The following FANCA variants were observed in gnomAD, a reference collection of about 807,000 sequenced individuals.
The protein encoded by FANCA is FA complementation group A.
In FANCA, 236 loss-of-function variants were observed where a neutral mutation model predicts 194.3. That is an observed-to-expected ratio of 1.21 (90% CI 1.09 to 1.35). FANCA has a LOEUF of 1.35. Among genes scored for constraint, FANCA ranks in the 40% most tolerant of loss-of-function variants. FANCA has a pLI of 0.00. For missense variants in FANCA, 2,628 were observed against 1,813.9 expected, an observed-to-expected ratio of 1.45 and a Z score of -8.15; for synonymous variants, 1,014 against 715.8, an observed-to-expected ratio of 1.42 and a Z score of -6.65.
At chr16:89,769,075 C>T (rs2039230666) in intron 26 of FANCA, among the ~76,000 whole-genome samples, 2 of 152,206 alleles carry the variant, frequency 1.3e-5, no homozygotes, top group Admixed American at 1.3e-4. Context: ...TCTCCTTGCT[C>T]CACGTACATT....
rs34471552 is a variant in FANCA, at chr16:89,771,155, C to CAAAAAAAAAAAAAAAAAAAAAAA, written c.2151+522_2152-521insTTTTTTTTTTTTTTTTTTTTTTT. ...GCCTGGGCAACAGAGAAGACTCAGTCAAAAAAAAAAAAAAAAAAAGAGGCC... is the reference window on the plus strand; with the variant it reads ...GCCTGGGCAACAGAGAAGACTCAGTCAAAAAAAAAAAAAAAAAAAAAAAAAAAAAAAAAAAAAAAAAAGAGGCC... On this transcript the variant is annotated intron_variant, in intron 23 of 42. Coordinates refer to ENST00000389301, the MANE Select transcript of FANCA (RefSeq NM_000135.4). 4.9e-4 allele frequency among the ~76,000 whole-genome samples: 28 copies of CAAAAAAAAAAAAAAAAAAAAAAA among 56,642 alleles called. 1 individual carries two copies. Among genetic ancestry groups the CAAAAAAAAAAAAAAAAAAAAAAA allele is most frequent in the African/African-American group, 2.0e-3 (28 of 13,734 alleles). 37.2% of individuals were successfully genotyped at this position (56,642 alleles called of 152,430 possible).
At chr16:89,782,211 T>C (rs1342213334) in intron 17 of FANCA, among the ~76,000 whole-genome samples, 3 of 148,194 alleles carry the variant, frequency 2.0e-5, no homozygotes, top group African/African-American at 7.5e-5. Context: ...TCGTCTCTAC[T>C]AAAAAAAATT....
rs1485904394 is a variant in FANCA at position 89,748,752 on chromosome 16, C to T, written c.3255G>A (p.Leu1085=). 6.2e-7 allele frequency: 1 copy of T among 1,613,970 alleles called. No individual in the cohort carries two copies. Among genetic ancestry groups the T allele is most frequent in the South Asian group, 1.1e-5 (1 of 91,074 alleles). ...TGCTGCCGCAGAGGACAGACGAAGG[C>T]AGGCGGAGGAGGATCCTGGAAAGAA... ...LLMYKRILLR[L]PSSVLCGSSF... The change falls in exon 33 of 43, where the codon CTG becomes CTA. Residue 1085 remains leucine, a synonymous_variant. Transcript: ENST00000389301.
chr16:89,761,703 C>T (rs140763029), intron 29 of FANCA, among the ~76,000 whole-genome samples: 4 of 152,288 alleles, frequency 2.6e-5, no homozygotes, highest in African/African-American at 7.2e-5. Context: ...CAGCTCGCTG[C>T]AGCCTCTACC....
chr16:89,786,569 G>A (rs574930524), intron 14 of FANCA, among the ~76,000 whole-genome samples: 7 of 152,184 alleles, frequency 4.6e-5, no homozygotes, highest in Admixed American at 2.6e-4. Flanking sequence ...CACCTGCCTC[G>A]GCCTTCCAAA....
chr16:89,814,694 G>C, intron 2 of FANCA, 81 bp from the exon 3 acceptor site: 3 of 1,023,122 alleles, frequency 2.9e-6, no homozygotes, highest in South Asian at 1.3e-5. Context: ...TGTAATCCCA[G>C]TACTTTGGGA....
chr16:89,771,052 C>G (rs2143343735), intron 23 of FANCA, among the ~76,000 whole-genome samples: 1 of 151,698 alleles, frequency 6.6e-6, no homozygotes, highest in East Asian at 1.9e-4. Flanking sequence ...GTAATCCCAG[C>G]TACCCAGGAA....
At chr16:89,799,296 T>C (rs962872552) in intron 9 of FANCA, 64 bp from the exon 10 acceptor site, 29 of 1,593,632 alleles carry the variant, frequency 1.8e-5, no homozygotes, top group African/African-American at 6.7e-5. Flanking sequence ...CCAGAAACAA[T>C]CCCCAGGCGC....
chr16:89,761,547 ACC>A (rs2038954697), intron 29 of FANCA, among the ~76,000 whole-genome samples: 2 of 152,116 alleles, frequency 1.3e-5, no homozygotes, highest in Non-Finnish European at 2.9e-5. Context: ...TAACAGGTAA[ACC>A]AAACATTAAA....
At chr16:89,742,962 T>C (rs530183540) in intron 36 of FANCA, 24 bp from the exon 37 acceptor site, 11 of 1,611,852 alleles carry the variant, frequency 6.8e-6, no homozygotes, top group Admixed American at 5.0e-5. Context: ...AACGGGGTCA[T>C]TGCAGGGCCT....
At chr16:89,798,610 T>G in intron 10 of FANCA, 4 of 1,157,006 alleles carry the variant, frequency 3.5e-6, no homozygotes, top group Non-Finnish European at 4.3e-6. Flanking sequence ...ATGTCCACCT[T>G]CCACCCAGCC....
At chr16:89,774,622 C>A (rs1274734903) in intron 21 of FANCA, among the ~76,000 whole-genome samples, 1 of 146,322 alleles carries the variant, frequency 6.8e-6, no homozygotes, top group South Asian at 2.2e-4. Flanking sequence ...CCCAGCCACT[C>A]GGGAGGCTGA....
intron 8 of FANCA, among the ~76,000 whole-genome samples, chr16:89,801,960 G>T (rs184466049): frequency 2.0e-5 from 3 of 152,084 alleles, no homozygotes; most frequent in Admixed American, 2.0e-4. Flanking sequence ...TGGGCTTACA[G>T]CCAAAGGAAA....
intron 6 of FANCA, among the ~76,000 whole-genome samples, chr16:89,806,290 G>C (rs2040640448): frequency 6.6e-6 from 1 of 151,266 alleles, no homozygotes; most frequent in African/African-American, 2.4e-5. Flanking sequence ...CTACTGGGTA[G>C]AGTGCTCCAC....
chr16:89,761,983 G>C lies in FANCA; in HGVS notation c.2818C>G (p.Gln940Glu), dbSNP rs1185836546. 3 of 1,614,104 alleles carry C rather than the reference G, an allele frequency of 1.9e-6. No individual in the cohort carries two copies. The highest frequency in any genetic ancestry group is 1.7e-6 in the Non-Finnish European group (2 of 1,179,984). The change falls in exon 29 of 43, where the codon CAA (glutamine) becomes GAA (glutamate). Residue 940 changes from glutamine (Q) to glutamate (E), a missense_variant. Gln to Glu is a conservative substitution (Grantham distance 29). Coordinates refer to ENST00000389301, the MANE Select transcript of FANCA (RefSeq NM_000135.4). ...QDWLHLELEI[Q>E]PEADALSDTE... ...TCTGAAAGAGCATCAGCTTCAGGTT[G>C]AATTTCCAGCTCCAGGTGTAACCAG...
At chr16:89,771,605 C>A in intron 23 of FANCA, 73 bp downstream of exon 23, 1 of 1,538,446 alleles carries the variant, frequency 6.5e-7, no homozygotes, top group Admixed American at 1.7e-5. Flanking sequence ...AGAGAAGGCT[C>A]CATGCGTCTA....
intron 8 of FANCA, among the ~76,000 whole-genome samples, chr16:89,801,518 T>A (rs192359889): frequency 6.6e-6 from 1 of 152,124 alleles, no homozygotes. Flanking sequence ...GAATGTAAAT[T>A]AATACAGCCA....
chr16:89,777,223 G>A (rs2039538434), intron 20 of FANCA, among the ~76,000 whole-genome samples: 1 of 149,180 alleles, frequency 6.7e-6, no homozygotes, highest in Admixed American at 6.7e-5. Context: ...TGAAGCCCAG[G>A]AGATCAAGGC....
Position 89,776,784 on chromosome 16 carries a change from TTGC to T in FANCA, c.1827-972_1827-970del, listed in dbSNP as rs368338471. ...AGGTGGAGCTTGCAGTGAGCCGAGA[TTGC>T]GCCACTGCACTGCAGACTGGCTGAC... On this transcript the variant is annotated intron_variant, in intron 20 of 42. Transcript: ENST00000389301. Among the ~76,000 whole-genome samples, 475 of 152,064 alleles carry T rather than the reference TTGC, an allele frequency of 3.1e-3. 4 individuals are homozygous for T. The highest frequency in any genetic ancestry group is 0.011 in the African/African-American group (441 of 41,498).
Sources: allele counts gnomAD v4.1 joint callset (sites outside exome capture counted in the v4.1 genomes callset), GRCh38; gene constraint gnomAD v4.1.1; transcripts MANE v1.5; gene names NCBI Gene and HGNC (gene_info 2026-07-23, HGNC 2026-07-21).